The following CYTH2 variants were observed in gnomAD, a reference collection of about 807,000 sequenced individuals.
CYTH2 encodes cytohesin 2, also known as cytohesin-2.
A neutral mutation model predicts 55.4 loss-of-function variants in CYTH2; 24 were observed. The observed-to-expected ratio is 0.43, with a 90% confidence interval of 0.31 to 0.61. The LOEUF (loss-of-function observed/expected upper bound fraction) is 0.61, where lower values mean the gene tolerates loss of function less well. Among genes scored for constraint, CYTH2 ranks in the 20% least tolerant of loss-of-function variants. The pLI is 0.08. For synonymous variants in CYTH2, 221 were observed against 209.6 expected, an observed-to-expected ratio of 1.05 and a Z score of -0.47; for missense variants, 378 against 533.5, an observed-to-expected ratio of 0.71 and a Z score of 2.87.
At chr19:48,469,747 C>G in intron 1 of CYTH2, 3 of 466,872 alleles carry the variant, frequency 6.4e-6, no homozygotes, top group Non-Finnish European at 7.1e-6. Flanking sequence ...CCGGTGGCGG[C>G]GGGAGGGGCG....
intron 3 of CYTH2, among the ~76,000 whole-genome samples, chr19:48,471,193 G>A (rs1279056676): frequency 7.8e-6 from 1 of 128,114 alleles, no homozygotes; most frequent in Non-Finnish European, 1.5e-5. Flanking sequence ...ACAGAGTCTT[G>A]CTCTATCACC....
chr19:48,480,238 ACT>A lies in CYTH2; in HGVS notation c.*1032_*1033del, dbSNP rs966986401. On this transcript the variant is annotated 3_prime_UTR_variant, in exon 12 of 12. Coordinates refer to ENST00000452733, the MANE Select transcript of CYTH2 (RefSeq NM_004228.7). ...ATGGCGGATTGGGAGGTCCCATGTC[ACT>A]CTCCCATGCCCGCCTTTGAAGCTGA... The A allele has an allele frequency of 4.6e-5, 7 of 151,776 alleles. No homozygotes were observed. The highest frequency in any genetic ancestry group is 8.8e-5 in the Non-Finnish European group (6 of 67,940). The allele number at this position is 151,776 out of a possible 1,614,324, so 9.4% of individuals were successfully genotyped here.
chr19:48,469,610 G>A, intron 1 of CYTH2, 84 bp downstream of exon 1: 1 of 1,313,572 alleles, frequency 7.6e-7, no homozygotes, highest in Non-Finnish European at 9.8e-7. Context: ...TCCCCCTGGC[G>A]CGCGGCGCCC....
At position 48,474,602 on chromosome 19, in the gene CYTH2, T is replaced by C. The variant is rs550660803; in HGVS notation, c.697-236T>C. Among the ~76,000 whole-genome samples the C allele has an allele frequency of 6.6e-6, 1 of 152,302 alleles. No homozygotes were observed. Reference sequence around the variant, plus strand: ...CCCTCGATTGGCCTCATTCCCCATCTGTCTGTTTCTCTGAGGACGTAGCCG... The same window carrying C: ...CCCTCGATTGGCCTCATTCCCCATCCGTCTGTTTCTCTGAGGACGTAGCCG... On this transcript the variant is annotated intron_variant, in intron 7 of 11. Coordinates refer to ENST00000452733, the MANE Select transcript of CYTH2 (RefSeq NM_004228.7). The surrounding 1 kb of genome is among the most constrained non-coding windows in gnomAD (Gnocchi z 4.9).
At chr19:48,470,327 T>C in intron 1 of CYTH2, 26 bp from the exon 2 acceptor site, 2 of 1,589,012 alleles carry the variant, frequency 1.3e-6, no homozygotes, top group Non-Finnish European at 1.7e-6. Context: ...TAGCACTGAC[T>C]TTTAAACCTT....
chr19:48,478,344 C>T lies in CYTH2; in HGVS notation c.955C>T (p.Pro319Ser). The change falls in exon 10 of 12, where the codon CCG becomes TCG. Residue 319 changes from proline (P) to serine (S), a missense_variant and splice_region_variant. Transcript: ENST00000452733. ...SIREVDDPRK[P>S]NCFELYIPNN... The stretch of plus-strand genomic sequence containing the variant: ...CCGAGAGGTGGACGACCCCCGGAAA[C>T]CGGTAAGACCCTCTCTGTACACCTT... The T allele has an allele frequency of 1.9e-6, 3 of 1,614,144 alleles. No individual in the cohort carries two copies. In the South Asian group the frequency reaches 3.3e-5, roughly 18 times the overall value.
intron 9 of CYTH2, 54 bp downstream of exon 9, chr19:48,478,199 T>C (rs1971960033): frequency 6.2e-7 from 1 of 1,611,944 alleles, no homozygotes; most frequent in African/African-American, 1.3e-5. Flanking sequence ...GCTGGGAGCC[T>C]GGACTCCTGG....
intron 4 of CYTH2, 163 bp downstream of exon 4, chr19:48,472,606 C>G (rs1186035265): frequency 1.4e-6 from 1 of 719,032 alleles, no homozygotes; most frequent in Non-Finnish European, 2.5e-6. Flanking sequence ...AATGGACTGA[C>G]ATGGGCTAGG....
At chr19:48,473,239 T>C in intron 4 of CYTH2, 59 bp from the exon 5 acceptor site, 1 of 1,573,426 alleles carries the variant, frequency 6.4e-7, no homozygotes, top group Non-Finnish European at 8.7e-7. Flanking sequence ...GGCATTGCCC[T>C]TTGCCCATTC....
intron 4 of CYTH2, 28 bp downstream of exon 4, chr19:48,472,471 G>T (rs759240420): frequency 1.9e-6 from 3 of 1,584,684 alleles, no homozygotes; most frequent in East Asian, 2.3e-5. Context: ...CTCCTGTGGG[G>T]CCCCTCCCTC....
Position 48,470,414 on chromosome 19 carries a change from G to A in CYTH2, c.81G>A (p.Gln27=). 1.2e-6 allele frequency: 2 copies of A among 1,614,092 alleles called. No homozygotes were observed. The highest frequency in any genetic ancestry group is 1.7e-6 in the Non-Finnish European group (2 of 1,180,036). Reference sequence around the variant, plus strand: ...TGGAGAACATCCGGCGGCGGAAGCAGGAGCTGCTGGTGGAGATTCAGCGCC... The same window carrying A: ...TGGAGAACATCCGGCGGCGGAAGCAAGAGCTGCTGGTGGAGATTCAGCGCC... ...MELENIRRRK[Q]ELLVEIQRLR... The change falls in exon 2 of 12, where the codon CAG becomes CAA. Residue 27 remains glutamine, a synonymous_variant. Transcript: ENST00000452733.
At chr19:48,470,808 C>T (rs1250016987) in intron 3 of CYTH2, 139 bp downstream of exon 3, 5 of 874,228 alleles carry the variant, frequency 5.7e-6, no homozygotes, top group Non-Finnish European at 8.9e-6. Context: ...GATTCAGATA[C>T]TGGCTGTCCA....
rs542038561 is a variant in CYTH2 at position 48,480,183 on chromosome 19, C to T, written c.*973C>T. ...GGGTATGTGTGGTGTCCCCAAAGAA[C>T]AAGGGCTCGTGGATCCCGAGCAGGG... On this transcript the variant is annotated 3_prime_UTR_variant, in exon 12 of 12. Coordinates refer to ENST00000452733, the MANE Select transcript of CYTH2 (RefSeq NM_004228.7). 12 of 152,346 alleles carry T rather than the reference C, an allele frequency of 7.9e-5. No individual in the cohort carries two copies. The highest frequency in any genetic ancestry group is 7.8e-4 in the Admixed American group (12 of 15,298). 9.4% of individuals were successfully genotyped at this position (152,346 alleles called of 1,614,324 possible). A position where few individuals can be genotyped will look rare whatever the true frequency, so the allele number is the denominator to read the frequency against.
intron 4 of CYTH2, 161 bp downstream of exon 4, chr19:48,472,604 G>A (rs1971826291): frequency 1.4e-6 from 1 of 721,886 alleles, no homozygotes; most frequent in Non-Finnish European, 2.5e-6. Flanking sequence ...AGAATGGACT[G>A]ACATGGGCTA....
In CYTH2 at chr19:48,474,846, C is replaced by T. The variant is rs146335320; in HGVS notation, c.705C>T (p.Tyr235=). ...DLPEELLRNL[Y]DSIRNEPFKI... ...CAGCCTTTACTCCTCAGAACCTGTA[C>T]GACAGCATCCGAAATGAGCCCTTCA... Residue 235 remains tyrosine (Y), a synonymous_variant, in exon 8 of 12, where the codon TAC becomes TAT. Coordinates refer to ENST00000452733, the MANE Select transcript of CYTH2 (RefSeq NM_004228.7). This position sits in a 1 kb window ranked among gnomAD's most constrained non-coding sequence, Gnocchi z 4.9. 3.3e-5 allele frequency: 53 copies of T among 1,614,006 alleles called. No individual in the cohort carries two copies. In the African/African-American group the frequency reaches 5.3e-4, roughly 16 times the overall value.
Position 48,472,393 on chromosome 19 carries a change from C to T in CYTH2, c.303C>T (p.Tyr101=). ...CCGAGGAGATCGCCCGCTTCCTGTA[C>T]AAGGGCGAGGGGCTGAACAAGACAG... is the stretch of plus-strand genomic sequence containing the variant. ...NTPEEIARFL[Y]KGEGLNKTAI... The change falls in exon 4 of 12, where the codon TAC becomes TAT. Residue 101 remains tyrosine, a synonymous_variant. Coordinates refer to ENST00000452733, the MANE Select transcript of CYTH2 (RefSeq NM_004228.7). The T allele has an allele frequency of 2.5e-6, 4 of 1,613,954 alleles. No individual in the cohort carries two copies.
In CYTH2 at chr19:48,479,367, T is replaced by C. The variant is rs1246802283; in HGVS notation, c.*157T>C. Reference sequence around the variant, plus strand: ...GTAATTAACACGCTGTTGGTAATCTTATTAATTATTTAACCACTTGGCCTG... The same window carrying C: ...GTAATTAACACGCTGTTGGTAATCTCATTAATTATTTAACCACTTGGCCTG... On this transcript the variant is annotated 3_prime_UTR_variant, in exon 12 of 12. Coordinates refer to ENST00000452733, the MANE Select transcript of CYTH2 (RefSeq NM_004228.7). 4.3e-6 allele frequency: 3 copies of C among 697,134 alleles called. No individual in the cohort carries two copies. The African/African-American group carries it at 5.4e-5, about 13-fold the overall frequency. 43.2% of individuals were successfully genotyped at this position (697,134 alleles called of 1,614,324 possible).
At chr19:48,470,530 C>CG (rs1184228945) in intron 2 of CYTH2, 30 bp downstream of exon 2, 1 of 1,613,448 alleles carries the variant, frequency 6.2e-7, no homozygotes, top group Non-Finnish European at 8.5e-7. Context: ...ACCTAGGGGG[C>CG]GTGGGGTTGG....
Position 48,478,335 on chromosome 19 carries a change from C to G in CYTH2, c.946C>G (p.Pro316Ala), listed in dbSNP as rs1429029944. The G allele has an allele frequency of 6.2e-7, 1 of 1,614,088 alleles. No individual in the cohort carries two copies. Residue 316 changes from proline (P) to alanine (A), a missense_variant, in exon 10 of 12, where the codon CCC becomes GCC. Pro to Ala is a conservative substitution (Grantham distance 27, BLOSUM62 -1). Coordinates refer to ENST00000452733, the MANE Select transcript of CYTH2 (RefSeq NM_004228.7). ...ENLSIREVDD[P>A]RKPNCFELYI... is the part of the protein sequence containing the mutation. ...TCTGAGCATCCGAGAGGTGGACGACCCCCGGAAACCGGTAAGACCCTCTCT... is the reference window on the plus strand; with the variant it reads ...TCTGAGCATCCGAGAGGTGGACGACGCCCGGAAACCGGTAAGACCCTCTCT...
Sources: gnomAD v4.1 joint callset for allele counts (sites outside exome capture counted in the v4.1 genomes callset) on GRCh38, gnomAD v4.1.1 for gene constraint, Gnocchi (gnomAD v3.1) non-coding constraint, MANE v1.5 for transcripts, NCBI Gene and HGNC (gene_info 2026-07-23, HGNC 2026-07-21) for gene names.